Variants in PCNX2 observed in about 807,000 individuals in gnomAD.
PCNX2 encodes the protein pecanex-like protein 2.
In PCNX2, 168 loss-of-function variants were observed where a neutral mutation model predicts 223.8. The ratio of observed to expected loss-of-function variants is 0.75; its 90% CI spans 0.66 to 0.85. The LOEUF (loss-of-function observed/expected upper bound fraction) is 0.85. PCNX2 is among the 40% of genes least tolerant of loss of function. The pLI is 0.00. For missense variants in PCNX2, 2,507 were observed against 2,675.5 expected (o/e 0.94, Z 1.39); for synonymous variants, 1,006 against 1,052.6 (o/e 0.96, Z 0.86).
At chr1:233,246,756 T>G (rs1659147791) in intron 8 of PCNX2, among the ~76,000 whole-genome samples, 2 of 152,122 alleles carry the variant, frequency 1.3e-5, no homozygotes, top group Non-Finnish European at 2.9e-5. Flanking sequence ...CTGGTTCCAT[T>G]CTTTACCTTT....
Position 233,259,319 on chromosome 1 carries a change from G to T in PCNX2, c.543C>A (p.Pro181=). 6.2e-7 allele frequency: 1 copy of T among 1,612,960 alleles called. No homozygotes were observed. Among genetic ancestry groups the T allele is most frequent in the Non-Finnish European group, 8.5e-7 (1 of 1,179,356 alleles). ...LKGVILLEDH[P]IAPVSSTSPG... ...GTGAGGTAGATGACACTGGTGCTAT[G>T]GGATGGTCTTCTAATAGAATGACAC... The change falls in exon 5 of 34, where the codon CCC becomes CCA. Residue 181 remains proline (P), a synonymous_variant. Coordinates refer to ENST00000258229, the MANE Select transcript of PCNX2 (RefSeq NM_014801.4).
intron 27 of PCNX2, chr1:233,016,634 C>A (rs1670674296): frequency 2.6e-6 from 1 of 384,904 alleles, no homozygotes; most frequent in Non-Finnish European, 3.6e-6. Flanking sequence ...TAATTTTAAA[C>A]AAAGAAGCTT....
In PCNX2 at chr1:233,292,093, A is replaced by G. The variant is rs551917775; in HGVS notation, c.153+3233T>C. On this transcript the variant is annotated intron_variant, in intron 1 of 33. Coordinates refer to ENST00000258229, the MANE Select transcript of PCNX2 (RefSeq NM_014801.4). ...CAGATCTAAGTACATTCTAGGGATTATAAATAAATTTGCCTCAATAATTAA... is the reference window on the plus strand; with the variant it reads ...CAGATCTAAGTACATTCTAGGGATTGTAAATAAATTTGCCTCAATAATTAA... 9 of 906,166 alleles carry G rather than the reference A, an allele frequency of 9.9e-6. No individual in the cohort carries two copies. The African/African-American group carries it at 1.6e-4, about 16-fold the overall frequency. 56.1% of individuals were successfully genotyped at this position (906,166 alleles called of 1,614,324 possible).
At chr1:233,155,928 T>G (rs184995770) in intron 19 of PCNX2, among the ~76,000 whole-genome samples, 30 of 152,330 alleles carry the variant, frequency 2.0e-4, no homozygotes, top group African/African-American at 7.2e-4. Context: ...TTGCCTATTG[T>G]GCTGTCTTCA....
rs1442399831 is a variant in PCNX2 at position 232,986,097 on chromosome 1, T to C, written c.6235A>G (p.Thr2079Ala). 1 of 1,560,254 alleles carries C rather than the reference T, an allele frequency of 6.4e-7. No homozygotes were observed. Among genetic ancestry groups the C allele is most frequent in the Non-Finnish European group, 8.7e-7 (1 of 1,151,512 alleles). Residue 2079 changes from threonine (T) to alanine (A), a missense_variant, in exon 33 of 34, where the codon ACT becomes GCT. This residue lies in a region of PCNX2 where 1,372 missense variants were observed against 1,509.4 expected (regional missense o/e 0.91). Transcript: ENST00000258229. ...GPSARAASQA[T>A]RHLSEPCEPP... Reference sequence around the variant, plus strand: ...AGCCCTGCCCAGCCCCTTACCCGAGTGGCCTGGCTGGCAGCCCTGGCTGAG... The same window carrying C: ...AGCCCTGCCCAGCCCCTTACCCGAGCGGCCTGGCTGGCAGCCCTGGCTGAG...
intron 15 of PCNX2, among the ~76,000 whole-genome samples, chr1:233,187,787 A>C (rs1465842340): frequency 6.6e-6 from 1 of 152,108 alleles, no homozygotes; most frequent in Non-Finnish European, 1.5e-5. Flanking sequence ...TTTCCCCTTC[A>C]TCCTCAGCAG....
chr1:233,197,655 T>C (rs950086846), intron 15 of PCNX2, among the ~76,000 whole-genome samples: 9 of 152,104 alleles, frequency 5.9e-5, no homozygotes, highest in Non-Finnish European at 1.3e-4. Flanking sequence ...AATATCTATA[T>C]GATAGGAATA....
chr1:233,169,439 G>A (rs1046157163), intron 17 of PCNX2, among the ~76,000 whole-genome samples: 21 of 151,914 alleles, frequency 1.4e-4, no homozygotes, highest in African/African-American at 5.1e-4. Flanking sequence ...GAGGTCAGGA[G>A]ATCGAGACCA....
At chr1:233,168,776 A>T (rs575899094) in intron 17 of PCNX2, among the ~76,000 whole-genome samples, 1 of 152,230 alleles carries the variant, frequency 6.6e-6, no homozygotes, top group East Asian at 1.9e-4. Context: ...TCCTTGATAA[A>T]TTATGCTTTT....
intron 19 of PCNX2, among the ~76,000 whole-genome samples, chr1:233,150,515 A>C (rs1677733823): frequency 6.6e-6 from 1 of 152,204 alleles, no homozygotes; most frequent in Non-Finnish European, 1.5e-5. Flanking sequence ...AAAAACTTTC[A>C]TTTGTTTAAT....
intron 21 of PCNX2, 97 bp downstream of exon 21, chr1:233,134,916 T>G: frequency 2.0e-6 from 2 of 1,024,222 alleles, no homozygotes; most frequent in Non-Finnish European, 2.8e-6. Flanking sequence ...CCTCCCATAA[T>G]TTTTTTTATA....
intron 21 of PCNX2, among the ~76,000 whole-genome samples, chr1:233,110,720 T>C (rs1189631708): frequency 1.3e-5 from 2 of 151,886 alleles, no homozygotes; most frequent in Non-Finnish European, 2.9e-5. Flanking sequence ...AGAATAAATA[T>C]ATGACAATAA....
intron 19 of PCNX2, among the ~76,000 whole-genome samples, chr1:233,150,989 T>C (rs578044060): frequency 6.6e-6 from 1 of 152,122 alleles, no homozygotes; most frequent in Non-Finnish European, 1.5e-5. Flanking sequence ...AGGAGAGAAT[T>C]CCAAATGCTC....
chr1:233,265,739 T>C (rs1031222661), intron 1 of PCNX2, among the ~76,000 whole-genome samples: 3 of 152,084 alleles, frequency 2.0e-5, no homozygotes, highest in Non-Finnish European at 4.4e-5. Flanking sequence ...TCATGAGGAA[T>C]CTTCCATTCA....
At chr1:232,989,318 G>C (rs1457855498) in intron 32 of PCNX2, among the ~76,000 whole-genome samples, 1 of 152,140 alleles carries the variant, frequency 6.6e-6, no homozygotes, top group African/African-American at 2.4e-5. Context: ...GCCAGGCGTG[G>C]TGGCGGGCAC....
At chr1:233,034,958 C>T (rs917019828) in intron 25 of PCNX2, among the ~76,000 whole-genome samples, 3 of 152,132 alleles carry the variant, frequency 2.0e-5, no homozygotes, top group African/African-American at 7.2e-5. Flanking sequence ...GAAAATTCCC[C>T]TGAAGCCTCT....
At chr1:233,225,651 A>G (rs1260294201) in intron 10 of PCNX2, among the ~76,000 whole-genome samples, 1 of 152,204 alleles carries the variant, frequency 6.6e-6, no homozygotes, top group Non-Finnish European at 1.5e-5. Flanking sequence ...CTTCCAATGG[A>G]TTTCCAATTA....
chr1:233,200,195 T>A lies in PCNX2; in HGVS notation c.2933A>T (p.Tyr978Phe). Reference protein sequence around the residue: ...LFPQINTFCTYLLEQIDMLFF... With the variant: ...LFPQINTFCTFLLEQIDMLFF... ...CAGCATGTCAATTTGCTCCAAAAGA[T>A]AAGTGCAGAAAGTGTTGATTTGCGG... Residue 978 changes from tyrosine to phenylalanine, a missense_variant, in exon 14 of 34, where the codon TAT (tyrosine) becomes TTT (phenylalanine). Around this residue, in one of 3 missense-constraint regions of PCNX2, gnomAD observed 1,372 missense variants for 1,509.4 expected, o/e 0.91. Transcript: ENST00000258229. 1 of 1,595,602 alleles carries A rather than the reference T, an allele frequency of 6.3e-7. No individual in the cohort carries two copies. The highest frequency in any genetic ancestry group is 8.5e-7 in the Non-Finnish European group (1 of 1,170,668).
intron 21 of PCNX2, among the ~76,000 whole-genome samples, chr1:233,130,449 T>G (rs1039384361): frequency 6.8e-6 from 1 of 146,948 alleles, no homozygotes. Flanking sequence ...AACTCAATAT[T>G]TCTGCCCCCC....
Sources: allele counts gnomAD v4.1 joint callset (sites outside exome capture counted in the v4.1 genomes callset), GRCh38; gene constraint gnomAD v4.1.1; regional missense constraint gnomAD v4.1.1; transcripts MANE v1.5; gene names NCBI Gene and HGNC (gene_info 2026-07-23, HGNC 2026-07-21).